RP1: variants seen among roughly 807,000 people sequenced by gnomAD.
RP1 encodes oxygen-regulated protein 1.
RP1 carries 16 observed loss-of-function variants against 14.8 expected under a neutral mutation model. The observed-to-expected ratio is 1.08, with a 90% CI of 0.73 to 1.65. The LOEUF (loss-of-function observed/expected upper bound fraction) is 1.65. Ranked by LOEUF, RP1 falls within the 40% of genes most tolerant of loss-of-function variation. The pLI is 0.00. For synonymous variants in RP1, 876 were observed against 883.6 expected, an observed-to-expected ratio of 0.99 and a Z score of 0.15; for missense variants, 2,631 against 2,535.0, an observed-to-expected ratio of 1.04 and a Z score of -0.81.
At chr8:54,723,126 C>A (rs1023721991) in intron 16 of RP1, among the ~76,000 whole-genome samples, 1 of 152,264 alleles carries the variant, frequency 6.6e-6, no homozygotes, top group Non-Finnish European at 1.5e-5. Flanking sequence ...GGACCACCTG[C>A]CTCTGTTCTG....
intron 25 of RP1, among the ~76,000 whole-genome samples, chr8:54,846,955 C>T (rs545959412): frequency 7.2e-5 from 11 of 152,320 alleles, no homozygotes; most frequent in African/African-American, 2.6e-4. Flanking sequence ...TCACACTGAT[C>T]TCAGCCATTC....
In RP1 at chr8:54,714,989, T is replaced by C. The variant is rs556835566; in HGVS notation, c.2212-5140T>C. ...GAAGGCATAATAATACTCCAGTGTG[T>C]AGAATGTATACTACTAGGATGTGGG... On this transcript the variant is annotated intron_variant, in intron 15 of 22. Transcript: ENST00000636932. 2.0e-5 allele frequency among the ~76,000 whole-genome samples: 3 copies of C among 152,380 alleles called. No homozygotes were observed. The South Asian group carries it at 6.2e-4, about 32-fold the overall frequency.
upstream of RP1, among the ~76,000 whole-genome samples, chr8:54,614,217 G>A (rs1341602620): frequency 6.6e-6 from 1 of 152,212 alleles, no homozygotes; most frequent in Non-Finnish European, 1.5e-5. Flanking sequence ...GAGAATGTAT[G>A]CTTAACACCA....
chr8:54,769,864 T>C (rs1585676883), exon 23 of RP1: 6 of 1,141,862 alleles, frequency 5.3e-6, no homozygotes, highest in East Asian at 5.2e-5. Context: ...CTGGACATCA[T>C]GGAACACTAT....
chr8:54,814,832 A>G (rs1811098815), intron 24 of RP1, among the ~76,000 whole-genome samples: 1 of 152,182 alleles, frequency 6.6e-6, no homozygotes, highest in African/African-American at 2.4e-5. Context: ...AAGCTCCAGT[A>G]TGTCTTTGGA....
intron 19 of RP1, among the ~76,000 whole-genome samples, chr8:54,751,026 G>T (rs777357405): frequency 2.6e-5 from 4 of 152,190 alleles, no homozygotes; most frequent in Admixed American, 6.5e-5. Flanking sequence ...AAATCTTGCT[G>T]CTGCTCACTC....
chr8:54,795,254 G>A (rs1810552724), intron 24 of RP1, among the ~76,000 whole-genome samples: 1 of 151,954 alleles, frequency 6.6e-6, no homozygotes, highest in Non-Finnish European at 1.5e-5. Flanking sequence ...AACAAAATCA[G>A]TATCTTGAAG....
chr8:54,772,157 A>G (rs1431116954), downstream of RP1, among the ~76,000 whole-genome samples: 1 of 152,128 alleles, frequency 6.6e-6, no homozygotes, highest in African/African-American at 2.4e-5. Context: ...TTAAATATTT[A>G]TAATTCATAT....
chr8:54,734,923 A>T (rs550202512), intron 18 of RP1, among the ~76,000 whole-genome samples: 2 of 152,250 alleles, frequency 1.3e-5, no homozygotes, highest in East Asian at 3.9e-4. Flanking sequence ...TTGCTCACAT[A>T]TCTTATTCAA....
intron 9 of RP1, among the ~76,000 whole-genome samples, chr8:54,679,222 G>A (rs151170463): frequency 1.7e-4 from 26 of 152,266 alleles, no homozygotes; most frequent in African/African-American, 6.3e-4. Context: ...GATAGTAACT[G>A]CTGCTTCTAC....
rs200626321 is a variant in RP1 at position 54,693,875 on chromosome 8, C to G, written c.1718-5592C>G. 9.2e-5 allele frequency among the ~76,000 whole-genome samples: 14 copies of G among 152,000 alleles called. 1 individual carries two copies. Among genetic ancestry groups the G allele is most frequent in the African/African-American group, 2.2e-4 (9 of 41,418 alleles). On this transcript the variant is annotated intron_variant, in intron 12 of 22. Coordinates refer to the RP1 transcript ENST00000636932. ...ACTATGTTGAATAGGAGTGGTGAGACAGGGCATCCCTGTCTCGTGCCAGTT... is the reference window on the plus strand; with the variant it reads ...ACTATGTTGAATAGGAGTGGTGAGAGAGGGCATCCCTGTCTCGTGCCAGTT...
intron 27 of RP1, among the ~76,000 whole-genome samples, chr8:54,857,318 TATA>T (rs1323229782): frequency 6.8e-6 from 1 of 147,610 alleles, no homozygotes; most frequent in Non-Finnish European, 1.5e-5. Context: ...ATACTATAAT[TATA>T]ATATATTTAT....
chr8:54,573,360 T>C (rs1334411243), intron 1 of RP1, among the ~76,000 whole-genome samples: 1 of 152,168 alleles, frequency 6.6e-6, no homozygotes, highest in Non-Finnish European at 1.5e-5. Flanking sequence ...AACATCACTA[T>C]TGTGAAAAGA....
At chr8:54,682,245 AT>A (rs879274498) in intron 12 of RP1, among the ~76,000 whole-genome samples, 208 of 145,512 alleles carry the variant, frequency 1.4e-3, no homozygotes, top group South Asian at 2.8e-3. Context: ...TTAAATTAAA[AT>A]TTTTTTTTTT....
chr8:54,706,715 T>C lies in RP1; in HGVS notation c.2211+60T>C. On this transcript the variant is annotated intron_variant, in intron 15 of 22. Coordinates refer to the RP1 transcript ENST00000636932. ...TTAAGACATTTGCCAGTTGTAGACATGAGAATAGCACTTTCTGAGTGGGTT... is the reference window on the plus strand; with the variant it reads ...TTAAGACATTTGCCAGTTGTAGACACGAGAATAGCACTTTCTGAGTGGGTT... The C allele has an allele frequency of 3.4e-6, 5 of 1,489,628 alleles. 1 individual carries two copies. The highest frequency in any genetic ancestry group is 3.4e-4 in the Middle Eastern group (2 of 5,888). The allele number at this position is 1,489,628 out of a possible 1,614,324, so 92.3% of individuals were successfully genotyped here. A position where few individuals can be genotyped will look rare whatever the true frequency, so the allele number is the denominator to read the frequency against.
At chr8:54,726,404 C>T in exon 17 of RP1, 1 of 1,534,134 alleles carries the variant, frequency 6.5e-7, no homozygotes, top group Non-Finnish European at 8.7e-7. Flanking sequence ...AGAAAAGATC[C>T]ATGAGTCAAA....
chr8:54,688,206 A>G (rs1229042863), intron 12 of RP1, among the ~76,000 whole-genome samples: 12 of 151,956 alleles, frequency 7.9e-5, no homozygotes, highest in Admixed American at 7.2e-4. Flanking sequence ...TAGATTCTGG[A>G]TATTAGACTT....
At chr8:54,583,328 C>T (rs1186772692) in intron 1 of RP1, among the ~76,000 whole-genome samples, 1 of 152,122 alleles carries the variant, frequency 6.6e-6, no homozygotes, top group Non-Finnish European at 1.5e-5. Context: ...GTTGAACCAC[C>T]CTTGCATCCC....
Position 54,625,470 on chromosome 8 carries a change from T to C in RP1, c.1588T>C (p.Ser530Pro). ...TAACAATGATCAAATGGAGGAGTCA[T>C]CATTAGAAAGAAAAAAGGAAAACAG... ...INNNDQMEESSLERKKENSLL... is the reference protein window; with the variant it reads ...INNNDQMEESPLERKKENSLL... Residue 530 changes from serine (S) to proline (P), a missense_variant, in exon 4 of 4, where the codon TCA becomes CCA. Transcript: ENST00000220676. 6.2e-7 allele frequency: 1 copy of C among 1,613,976 alleles called. No individual in the cohort carries two copies. Among genetic ancestry groups the C allele is most frequent in the Non-Finnish European group, 8.5e-7 (1 of 1,180,024 alleles).
Sources: allele counts gnomAD v4.1 joint callset (sites outside exome capture counted in the v4.1 genomes callset), GRCh38; gene constraint gnomAD v4.1.1; transcripts MANE v1.5; gene names NCBI Gene and HGNC (gene_info 2026-07-23, HGNC 2026-07-21).